Variants in TMEM114 observed in about 807,000 individuals in gnomAD.
The protein encoded by TMEM114 is transmembrane protein 114, also known as claudin-26.
TMEM114 carries 6 observed loss-of-function variants against 6.2 expected under a neutral mutation model. That is an observed-to-expected ratio of 0.97 (90% CI 0.53 to 1.91). The LOEUF (loss-of-function observed/expected upper bound fraction) is 1.91, where lower values mean the gene tolerates loss of function less well. Ranked by LOEUF, TMEM114 falls within the 40% of genes most tolerant of loss-of-function variation. TMEM114 has a pLI of 0.01. For synonymous variants in TMEM114, 104 were observed against 73.0 expected (o/e 1.42, Z -2.16); for missense variants, 218 against 158.3 (o/e 1.38, Z -2.02).
At chr16:8,531,661 T>A in the TMEM114 span, among the ~76,000 whole-genome samples, 1 of 152,182 alleles carries the variant, frequency 6.6e-6, no homozygotes, top group Non-Finnish European at 1.5e-5. Flanking sequence ...AACTCATCCA[T>A]AGAAAACTCA....
intron 2 of TMEM114, among the ~76,000 whole-genome samples, chr16:8,542,765 T>G (rs141402792): frequency 1.5e-3 from 227 of 152,186 alleles, no homozygotes; most frequent in African/African-American, 5.3e-3. Flanking sequence ...CTGAGGGAAC[T>G]GGGATATTTC....
At chr16:8,551,539 C>T (rs959573427) in intron 2 of TMEM114, among the ~76,000 whole-genome samples, 1 of 152,206 alleles carries the variant, frequency 6.6e-6, no homozygotes. Context: ...AACTCAACTT[C>T]CTGTGGCCAA....
chr16:8,540,478 G>C (rs1045038122), intron 2 of TMEM114, among the ~76,000 whole-genome samples: 4 of 152,114 alleles, frequency 2.6e-5, no homozygotes, highest in African/African-American at 7.2e-5. Flanking sequence ...AAAATAGCTG[G>C]TATATAGCAA....
intron 2 of TMEM114, among the ~76,000 whole-genome samples, chr16:8,588,526 A>G (rs1437035501): frequency 1.3e-5 from 2 of 152,084 alleles, no homozygotes; most frequent in Non-Finnish European, 2.9e-5. Context: ...TGTTAGGTTT[A>G]TTTCCCTCCC....
intron 2 of TMEM114, among the ~76,000 whole-genome samples, chr16:8,576,396 A>T (rs972263409): frequency 2.2e-4 from 34 of 152,218 alleles, no homozygotes; most frequent in Admixed American, 1.1e-3. Context: ...ACAGCTCCCC[A>T]TGGAGTGTGT....
the TMEM114 span, among the ~76,000 whole-genome samples, chr16:8,527,879 C>T: frequency 3.3e-5 from 5 of 152,224 alleles, no homozygotes; most frequent in African/African-American, 7.2e-5. Context: ...TAGACTGGGT[C>T]TCTAGTTTCA....
chr16:8,559,039 G>A (rs370431127), intron 2 of TMEM114, among the ~76,000 whole-genome samples: 5 of 142,962 alleles, frequency 3.5e-5, no homozygotes, highest in Admixed American at 1.4e-4. Context: ...CACTGCACCC[G>A]GCCTCTTTTT....
At chr16:8,589,452 G>C (rs1256169623) in intron 1 of TMEM114, among the ~76,000 whole-genome samples, 159 bp from the exon 2 acceptor site, 1 of 152,192 alleles carries the variant, frequency 6.6e-6, no homozygotes, top group Non-Finnish European at 1.5e-5. Context: ...CTCTCGGAAG[G>C]GTTTTCGCAG....
Position 8,569,843 on chromosome 16 carries a change from AG to A in TMEM114, c.601del (p.Leu201SerfsTer15), listed in dbSNP as rs1318967925. The A allele has an allele frequency of 1.3e-6, 2 of 1,550,868 alleles. No individual in the cohort carries two copies. Among genetic ancestry groups the A allele is most frequent in the Non-Finnish European group, 1.7e-6 (2 of 1,146,956 alleles). ...LGWISFIAEL[L>X]TGAAFLAAAR... ...TGCTGCCAGGAAGGCTGCCCCGGTG[AG>A]CAGCTCGGCGATGAAGCTGATCCAG... On this transcript the variant is annotated frameshift_variant, in exon 4 of 4. Coordinates refer to ENST00000620492, the MANE Select transcript of TMEM114 (RefSeq NM_001146336.2). LOFTEE classifies it high-confidence loss of function.
chr16:8,558,842 G>A lies in TMEM114; in HGVS notation n.213-21016C>T, dbSNP rs530731912. On this transcript the variant is annotated intron_variant and non_coding_transcript_variant, in intron 2 of 2. Transcript: ENST00000623677. ...TGCAACCCCTGCCTCCTGGGTTCAA[G>A]CAATTCTCCTGCCTCAGCCTCCCGA... Among the ~76,000 whole-genome samples the A allele has an allele frequency of 2.0e-5, 3 of 151,496 alleles. No individual in the cohort carries two copies. In the East Asian group the frequency reaches 5.8e-4, roughly 29 times the overall value.
At chr16:8,553,200 C>T (rs1040119147) in intron 2 of TMEM114, among the ~76,000 whole-genome samples, 1 of 152,210 alleles carries the variant, frequency 6.6e-6, no homozygotes, top group African/African-American at 2.4e-5. Flanking sequence ...CCTGGGGCAT[C>T]AGCTCAGTGC....
intron 2 of TMEM114, among the ~76,000 whole-genome samples, chr16:8,588,334 A>C (rs1264096893): frequency 1.3e-5 from 2 of 151,990 alleles, no homozygotes; most frequent in African/African-American, 4.8e-5. Context: ...TATGAAACTC[A>C]GTCTTCATTT....
At chr16:8,537,241 C>A (rs187014940), downstream of TMEM114, among the ~76,000 whole-genome samples, 1 of 152,154 alleles carries the variant, frequency 6.6e-6, no homozygotes, top group Non-Finnish European at 1.5e-5. Context: ...TGGCTCACAC[C>A]TGTAATCCCA....
intron 2 of TMEM114, among the ~76,000 whole-genome samples, chr16:8,562,916 G>C (rs901374026): frequency 3.4e-5 from 2 of 59,640 alleles, no homozygotes; most frequent in South Asian, 1.0e-3. Flanking sequence ...GAGTGAATGA[G>C]TAAATGAGTG....
rs181561613 is a variant in TMEM114, at chr16:8,558,054, C to T, written n.213-20228G>A. Among the ~76,000 whole-genome samples, 171 of 152,152 alleles carry T rather than the reference C, an allele frequency of 1.1e-3. 1 individual carries two copies. The highest frequency in any genetic ancestry group is 4.0e-3 in the African/African-American group (168 of 41,530). ...GGATCACCTGATGTCAGGAGCTCGA[C>T]ACCAGCTTGACCAACATGGTGAAAC... On this transcript the variant is annotated intron_variant and non_coding_transcript_variant, in intron 2 of 2. Transcript: ENST00000623677.
chr16:8,557,941 A>T (rs759706256), intron 2 of TMEM114, among the ~76,000 whole-genome samples: 1 of 152,164 alleles, frequency 6.6e-6, no homozygotes, highest in Non-Finnish European at 1.5e-5. Flanking sequence ...TTCTCTCACA[A>T]TTCTGAAGGT....
the TMEM114 span, among the ~76,000 whole-genome samples, chr16:8,528,570 C>G: frequency 3.3e-5 from 5 of 152,164 alleles, no homozygotes; most frequent in African/African-American, 4.8e-5. Flanking sequence ...AGGCTTTTGA[C>G]AGATCAGAGT....
chr16:8,584,369 C>A (rs1040751830), intron 2 of TMEM114, among the ~76,000 whole-genome samples: 2 of 152,156 alleles, frequency 1.3e-5, no homozygotes, highest in Non-Finnish European at 2.9e-5. Flanking sequence ...ACCTCCTTTC[C>A]ACCAAAAATA....
chr16:8,545,358 C>T (rs13331252), intron 2 of TMEM114, among the ~76,000 whole-genome samples: 1 of 152,152 alleles, frequency 6.6e-6, no homozygotes, highest in Non-Finnish European at 1.5e-5. Flanking sequence ...ATTGCTTGAG[C>T]CCAGGAGGTT....
Sources: gnomAD v4.1 joint callset for allele counts (sites outside exome capture counted in the v4.1 genomes callset) on GRCh38, gnomAD v4.1.1 for gene constraint, MANE v1.5 for transcripts, NCBI Gene and HGNC (gene_info 2026-07-23, HGNC 2026-07-21) for gene names.